The following MTREX variants were observed in gnomAD, a reference collection of about 807,000 sequenced individuals.
MTREX encodes the protein exosome RNA helicase MTR4.
MTREX carries 76 observed loss-of-function variants against 135.4 expected under a neutral mutation model. That is an observed-to-expected ratio of 0.56 (90% CI 0.47 to 0.68). The LOEUF is 0.68. Among genes scored for constraint, MTREX ranks in the 30% least tolerant of loss-of-function variants. The pLI is 0.00. For missense variants in MTREX, 920 were observed against 1,262.1 expected, an observed-to-expected ratio of 0.73 and a Z score of 4.11; for synonymous variants, 404 against 401.6, an observed-to-expected ratio of 1.01 and a Z score of -0.07.
intron 22 of MTREX, among the ~76,000 whole-genome samples, chr5:55,409,318 T>C (rs928571236): frequency 5.3e-5 from 8 of 152,190 alleles, no homozygotes; most frequent in South Asian, 2.1e-4. Flanking sequence ...GGCCTAGTTA[T>C]GTAACGTCTA....
rs2112086921 is a variant in MTREX at position 55,367,172 on chromosome 5, T to C, written c.1810+297T>C. Among the ~76,000 whole-genome samples, 5 of 152,236 alleles carry C rather than the reference T, an allele frequency of 3.3e-5. 1 individual carries two copies. In the South Asian group the frequency reaches 1.0e-3, roughly 32 times the overall value. On this transcript the variant is annotated intron_variant, in intron 16 of 26. Coordinates refer to ENST00000230640, the MANE Select transcript of MTREX (RefSeq NM_015360.5). ...TAATGAAATAACACACAAAGCCTAG[T>C]ATATTAAAACTTGACCTGTAAAAAG...
chr5:55,351,843 T>C (rs1217251442), intron 13 of MTREX, among the ~76,000 whole-genome samples: 3 of 139,296 alleles, frequency 2.2e-5, no homozygotes, highest in Non-Finnish European at 3.2e-5. Context: ...TGACTCATAC[T>C]TTTTTTTTTT....
In MTREX at chr5:55,343,460, T is replaced by A. The variant is rs746301119; in HGVS notation, c.906+5T>A. On this transcript the variant is annotated splice_donor_5th_base_variant and intron_variant, in intron 8 of 26. Transcript: ENST00000230640. ...ATTTGCCATTTACATAAACAGGTAT[T>A]TTTTCCTCCTTTTTTGATGTCTTCA... is the stretch of plus-strand genomic sequence containing the variant. The A allele has an allele frequency of 5.0e-6, 8 of 1,609,614 alleles. No homozygotes were observed. In the African/African-American group the frequency reaches 1.1e-4, roughly 22 times the overall value.
intron 21 of MTREX, 152 bp downstream of exon 21, chr5:55,400,573 C>T (rs1232483070): frequency 1.9e-6 from 1 of 527,046 alleles, no homozygotes; most frequent in African/African-American, 1.9e-5. Flanking sequence ...AACCTGTCAG[C>T]TCTCATCAGC....
chr5:55,338,897 TCTC>T (rs748768913), intron 5 of MTREX, among the ~76,000 whole-genome samples: 4 of 149,998 alleles, frequency 2.7e-5, no homozygotes, highest in East Asian at 2.0e-4. Context: ...TTCAAGCAGT[TCTC>T]CTTCTTCAGC....
chr5:55,308,990 T>TA (rs1416870282), intron 1 of MTREX, among the ~76,000 whole-genome samples: 25 of 151,066 alleles, frequency 1.7e-4, no homozygotes, highest in Middle Eastern at 3.4e-3. Context: ...ATTAAAGAGT[T>TA]ACAGTATAGG....
chr5:55,321,079 C>T (rs1749281993), intron 1 of MTREX, among the ~76,000 whole-genome samples: 1 of 152,046 alleles, frequency 6.6e-6, no homozygotes, highest in African/African-American at 2.4e-5. Context: ...AAATGTTACT[C>T]ATGTTAATAT....
chr5:55,403,042 A>T (rs1213615006), intron 21 of MTREX, among the ~76,000 whole-genome samples: 1 of 151,826 alleles, frequency 6.6e-6, no homozygotes, highest in East Asian at 1.9e-4. Flanking sequence ...CTGCAAAAAA[A>T]TTTTAAAAAT....
At chr5:55,332,079 C>T (rs1241309395) in intron 5 of MTREX, among the ~76,000 whole-genome samples, 4 of 152,212 alleles carry the variant, frequency 2.6e-5, no homozygotes, top group South Asian at 4.1e-4. Context: ...AGTCTTGCTA[C>T]TCAAAGTATA....
intron 10 of MTREX, among the ~76,000 whole-genome samples, chr5:55,346,139 A>G (rs1051087913): frequency 2.0e-5 from 3 of 152,188 alleles, no homozygotes; most frequent in African/African-American, 7.2e-5. Flanking sequence ...GTACTATTTA[A>G]TACAAGTTTT....
chr5:55,382,980 G>A (rs1305051852), intron 18 of MTREX, among the ~76,000 whole-genome samples: 3 of 152,150 alleles, frequency 2.0e-5, no homozygotes, highest in Non-Finnish European at 4.4e-5. Flanking sequence ...AAGCCAGTGT[G>A]TATATATAGC....
At chr5:55,375,516 A>G (rs1455101451) in intron 16 of MTREX, among the ~76,000 whole-genome samples, 2 of 152,192 alleles carry the variant, frequency 1.3e-5, no homozygotes, top group Non-Finnish European at 2.9e-5. Context: ...GTTTAAGGTT[A>G]TCTCTCTTAT....
At chr5:55,331,515 C>A (rs778941158) in intron 5 of MTREX, among the ~76,000 whole-genome samples, 1 of 152,162 alleles carries the variant, frequency 6.6e-6, no homozygotes, top group Non-Finnish European at 1.5e-5. Flanking sequence ...ACATTTCTGC[C>A]AGTCGTGTAT....
At chr5:55,324,770 C>T (rs1223912730) in intron 3 of MTREX, 1 of 151,926 alleles carries the variant, frequency 6.6e-6, no homozygotes, top group Non-Finnish European at 1.5e-5. Flanking sequence ...TTCTTAACCT[C>T]TTTGTTTATT....
intron 15 of MTREX, among the ~76,000 whole-genome samples, chr5:55,364,557 C>T (rs889199724): frequency 2.6e-5 from 4 of 152,054 alleles, no homozygotes; most frequent in African/African-American, 4.8e-5. Flanking sequence ...TATGTCACAG[C>T]GAAAGCATGT....
intron 25 of MTREX, among the ~76,000 whole-genome samples, chr5:55,417,783 C>G (rs1486068707): frequency 6.6e-6 from 1 of 152,038 alleles, no homozygotes; most frequent in Non-Finnish European, 1.5e-5. Flanking sequence ...CTGTTCAATG[C>G]CTAATAATAA....
Position 55,425,186 on chromosome 5 carries a change from C to G in MTREX, c.*414C>G. On this transcript the variant is annotated 3_prime_UTR_variant, in exon 27 of 27. Transcript: ENST00000230640. ...TCCTTTAGAAAACAGGCCAGCTTCA[C>G]CTGGGCACCCTGCTGCCTTTCAAGG... The G allele has an allele frequency of 6.2e-7, 1 of 1,606,464 alleles. No homozygotes were observed. Among genetic ancestry groups the G allele is most frequent in the Non-Finnish European group, 8.5e-7 (1 of 1,178,028 alleles).
intron 1 of MTREX, among the ~76,000 whole-genome samples, chr5:55,309,495 C>T (rs1749069058): frequency 1.3e-5 from 2 of 151,574 alleles, no homozygotes; most frequent in African/African-American, 2.4e-5. Flanking sequence ...TGGAAAGGTA[C>T]GAACATGTTA....
At chr5:55,398,113 C>T (rs1044355104) in intron 20 of MTREX, among the ~76,000 whole-genome samples, 1 of 152,070 alleles carries the variant, frequency 6.6e-6, no homozygotes, top group African/African-American at 2.4e-5. Context: ...TGGTATGCAT[C>T]TATAATCCCA....
Sources: gnomAD v4.1 joint callset for allele counts (sites outside exome capture counted in the v4.1 genomes callset) on GRCh38, gnomAD v4.1.1 for gene constraint, MANE v1.5 for transcripts, NCBI Gene and HGNC (gene_info 2026-07-23, HGNC 2026-07-21) for gene names.